Variants in NXPE2 observed in about 807,000 individuals in gnomAD.
NXPE2 encodes the protein neurexophilin and PC-esterase domain family member 2.
NXPE2 carries 34 observed loss-of-function variants against 34.4 expected under a neutral mutation model. The ratio of observed to expected loss-of-function variants is 0.99; its 90% confidence interval spans 0.75 to 1.31. NXPE2 has a LOEUF of 1.31. NXPE2 is among the 40% of genes most tolerant of loss of function. The pLI is 0.00. For missense variants in NXPE2, 649 were observed against 672.5 expected, an observed-to-expected ratio of 0.97 and a Z score of 0.39; for synonymous variants, 235 against 231.3, an observed-to-expected ratio of 1.02 and a Z score of -0.15.
chr11:114,590,746 G>T, the NXPE2 span, among the ~76,000 whole-genome samples: 1 of 152,214 alleles, frequency 6.6e-6, no homozygotes, highest in Non-Finnish European at 1.5e-5. Context: ...AGGATGGCCA[G>T]CATGCCTCTG....
the NXPE2 span, among the ~76,000 whole-genome samples, chr11:114,466,368 A>T: frequency 1.3e-5 from 2 of 152,166 alleles, no homozygotes; most frequent in Non-Finnish European, 2.9e-5. Context: ...TACAGAATAG[A>T]CTATGATTTT....
At chr11:114,620,634 A>G in the NXPE2 span, among the ~76,000 whole-genome samples, 18 of 150,770 alleles carry the variant, frequency 1.2e-4, no homozygotes, top group East Asian at 3.6e-3. Context: ...TGTTGCCTCT[A>G]GAGTAACCCA....
the NXPE2 span, among the ~76,000 whole-genome samples, chr11:114,502,968 A>G: frequency 2.0e-5 from 3 of 152,206 alleles, no homozygotes; most frequent in Non-Finnish European, 4.4e-5. Context: ...ACTGAGTCAC[A>G]GTGGAGAAAT....
upstream of NXPE2, among the ~76,000 whole-genome samples, chr11:114,674,090 AAAACAAACAAACAAACAAAC>A (rs72440964): frequency 6.7e-4 from 89 of 131,890 alleles, no homozygotes; most frequent in African/African-American, 2.3e-3. Context: ...ACATTGTTTA[AAAACAAACAAACAAACAAAC>A]AAACAAACAA....
At chr11:114,610,942 C>A in the NXPE2 span, among the ~76,000 whole-genome samples, 1 of 151,756 alleles carries the variant, frequency 6.6e-6, no homozygotes, top group Non-Finnish European at 1.5e-5. Flanking sequence ...TGGGTAACCA[C>A]TGTTGCCTGG....
chr11:114,642,229 A>T, the NXPE2 span, among the ~76,000 whole-genome samples: 2 of 151,914 alleles, frequency 1.3e-5, no homozygotes, highest in African/African-American at 4.8e-5. Flanking sequence ...AGTTCAAAAA[A>T]CCCGGTCTAA....
chr11:114,727,774 A>AACACACAC, the NXPE2 span, among the ~76,000 whole-genome samples: 19,580 of 127,114 alleles, frequency 0.15, 1,541 homozygotes, highest in Middle Eastern at 0.22. Flanking sequence ...ATGTGTACAC[A>AACACACAC]ACACACACAC....
At chr11:114,537,301 A>G in the NXPE2 span, among the ~76,000 whole-genome samples, 3 of 152,362 alleles carry the variant, frequency 2.0e-5, no homozygotes, top group East Asian at 5.8e-4. Flanking sequence ...AGAGCTATCT[A>G]TGACAACCCC....
At chr11:114,592,514 A>AACAC in the NXPE2 span, among the ~76,000 whole-genome samples, 226 of 151,080 alleles carry the variant, frequency 1.5e-3, 1 homozygote, top group African/African-American at 5.1e-3. Context: ...GAAATTGGAG[A>AACAC]ACACACACAC....
intron 2 of NXPE2, among the ~76,000 whole-genome samples, chr11:114,691,317 C>T (rs2065978212): frequency 6.6e-6 from 1 of 151,570 alleles, no homozygotes; most frequent in Non-Finnish European, 1.5e-5. Context: ...GATCAATTGG[C>T]TTTGTTTCTT....
the NXPE2 span, among the ~76,000 whole-genome samples, chr11:114,780,502 G>A: frequency 2.0e-5 from 3 of 152,208 alleles, no homozygotes; most frequent in Non-Finnish European, 4.4e-5. Context: ...GCTTCCTTTA[G>A]TAACTTTAAT....
At chr11:114,757,826 C>T in the NXPE2 span, among the ~76,000 whole-genome samples, 4 of 152,182 alleles carry the variant, frequency 2.6e-5, no homozygotes, top group Non-Finnish European at 5.9e-5. Flanking sequence ...CAAATATTCA[C>T]ATTCAGGAGC....
chr11:114,538,061 G>A, the NXPE2 span, among the ~76,000 whole-genome samples: 2 of 152,078 alleles, frequency 1.3e-5, no homozygotes, highest in Admixed American at 1.3e-4. Flanking sequence ...AAACAGCATG[G>A]TACTGGTACC....
the NXPE2 span, among the ~76,000 whole-genome samples, chr11:114,799,405 A>T: frequency 3.9e-5 from 6 of 152,166 alleles, no homozygotes; most frequent in Non-Finnish European, 8.8e-5. Context: ...AAGGAAAATA[A>T]GAGTTTCATC....
the NXPE2 span, among the ~76,000 whole-genome samples, chr11:114,641,483 C>CAAACATTA: frequency 6.6e-6 from 1 of 152,002 alleles, no homozygotes; most frequent in Admixed American, 6.6e-5. Flanking sequence ...TACTTTATAT[C>CAAACATTA]AAACATTAGG....
At chr11:114,545,880 G>A in the NXPE2 span, among the ~76,000 whole-genome samples, 1 of 151,848 alleles carries the variant, frequency 6.6e-6, no homozygotes, top group Non-Finnish European at 1.5e-5. Context: ...TAATAGAGAT[G>A]GAATGTCACC....
At chr11:114,616,145 C>T in the NXPE2 span, among the ~76,000 whole-genome samples, 182 of 151,640 alleles carry the variant, frequency 1.2e-3, 1 homozygote, top group South Asian at 9.1e-3. Context: ...ATAAGTATTG[C>T]CTCGTGGGTA....
chr11:114,620,958 TAA>T, the NXPE2 span, among the ~76,000 whole-genome samples: 37 of 152,268 alleles, frequency 2.4e-4, no homozygotes, highest in African/African-American at 8.7e-4. Context: ...TGTTGGATAA[TAA>T]GTGTTCCCTC....
chr11:114,631,439 T>C, the NXPE2 span, among the ~76,000 whole-genome samples: 5 of 145,524 alleles, frequency 3.4e-5, no homozygotes, highest in African/African-American at 1.3e-4. Context: ...AACCAAACAC[T>C]GCATATTCTC....
Sources: gnomAD v4.1 joint callset for allele counts (sites outside exome capture counted in the v4.1 genomes callset) on GRCh38, gnomAD v4.1.1 for gene constraint, MANE v1.5 for transcripts, NCBI Gene and HGNC (gene_info 2026-07-23, HGNC 2026-07-21) for gene names.